APC: variants seen among roughly 807,000 people sequenced by gnomAD.
The protein encoded by APC is APC regulator of Wnt signaling pathway, also known as adenomatous polyposis coli protein.
In APC, 72 loss-of-function variants were observed where a neutral mutation model predicts 247.0. The observed-to-expected ratio is 0.29, with a 90% CI of 0.24 to 0.35. The LOEUF is 0.35. Ranked by LOEUF, APC falls within the 10% of genes least tolerant of loss-of-function variation. The probability of loss-of-function intolerance (pLI) is 1.00; values close to 1 mark genes in which losing one functional copy is unlikely to be tolerated. For synonymous variants in APC, 1,254 were observed against 1,162.5 expected, an observed-to-expected ratio of 1.08 and a Z score of -1.60; for missense variants, 3,400 against 3,360.7, an observed-to-expected ratio of 1.01 and a Z score of -0.29.
chr5:112,820,877 A>G (rs979525445), intron 10 of APC, among the ~76,000 whole-genome samples: 3 of 151,962 alleles, frequency 2.0e-5, no homozygotes, highest in Non-Finnish European at 4.4e-5. Flanking sequence ...CTCTGTTTGT[A>G]TTGAGACAGG....
chr5:112,727,630 C>T (rs575486308), intron 1 of APC, among the ~76,000 whole-genome samples: 14 of 152,182 alleles, frequency 9.2e-5, no homozygotes, highest in Admixed American at 3.3e-4. Flanking sequence ...CATTTTAGGA[C>T]ATCTTAAATA....
In APC at chr5:112,712,583, C is replaced by T. The variant is rs577796022; in HGVS notation, c.165+4701C>T. Among the ~76,000 whole-genome samples the T allele has an allele frequency of 2.0e-5, 3 of 150,158 alleles. No homozygotes were observed. In the South Asian group the frequency reaches 6.3e-4, roughly 32 times the overall value. ...CCTTTTTTTTTTTTTTTTAAGCGACCGGGGCTTGCTGTATTCCCCAGGCTG... is the reference window on the plus strand; with the variant it reads ...CCTTTTTTTTTTTTTTTTAAGCGACTGGGGCTTGCTGTATTCCCCAGGCTG... On this transcript the variant is annotated intron_variant, in intron 1 of 13. Coordinates refer to the APC transcript ENST00000507379.
intron 6 of APC, among the ~76,000 whole-genome samples, chr5:112,788,068 C>T (rs1580407429): frequency 6.6e-6 from 1 of 152,244 alleles, no homozygotes; most frequent in East Asian, 1.9e-4. Context: ...AGTTCCTCAT[C>T]GATGAGTAAT....
rs186777258 is a variant in APC at position 112,844,374 on chromosome 5, A to G, written c.*248A>G. 2,389 of 467,238 alleles carry G rather than the reference A, an allele frequency of 5.1e-3. 26 individuals carry two copies. Among genetic ancestry groups the G allele is most frequent in the Non-Finnish European group, 4.5e-3 (1,193 of 264,994 alleles). 28.9% of individuals were successfully genotyped at this position (467,238 alleles called of 1,614,324 possible). On this transcript the variant is annotated 3_prime_UTR_variant, in exon 16 of 16. Transcript: ENST00000257430. ...AGTATGTTTGTACAGTATGTTTTAC[A>G]TGTATTTAAAGTAGCATCCCATCCC...
chr5:112,708,188 C>T (rs1432480723), intron 1 of APC, among the ~76,000 whole-genome samples: 1 of 152,202 alleles, frequency 6.6e-6, no homozygotes, highest in East Asian at 1.9e-4. Flanking sequence ...GTCGTCCGCC[C>T]TTCCCATTTT....
intron 2 of APC, among the ~76,000 whole-genome samples, chr5:112,755,582 A>G (rs1754881459): frequency 6.6e-6 from 1 of 152,220 alleles, no homozygotes; most frequent in South Asian, 2.1e-4. Flanking sequence ...AAGTACAGGC[A>G]TCACACTAGT....
At chr5:112,727,982 G>A (rs1393275855) in intron 1 of APC, among the ~76,000 whole-genome samples, 1 of 151,332 alleles carries the variant, frequency 6.6e-6, no homozygotes, top group African/African-American at 2.4e-5. Context: ...TCCCTCCATA[G>A]GAAAGGATAG....
rs1179795666 is a variant in APC, at chr5:112,844,997, ATTTG to A, written c.*876_*879del. On this transcript the variant is annotated 3_prime_UTR_variant, in exon 16 of 16. Coordinates refer to ENST00000257430, the MANE Select transcript of APC (RefSeq NM_000038.6). ...TATGTAAACTGTTACTGAAATTGGT[ATTTG>A]TTTGAAGGGTCTTGTTTCACATTTG... 16 of 232,298 alleles carry A rather than the reference ATTTG, an allele frequency of 6.9e-5. No homozygotes were observed. The highest frequency in any genetic ancestry group is 5.4e-4 in the South Asian group (3 of 5,522). The allele number at this position is 232,298 out of a possible 1,614,324, so 14.4% of individuals were successfully genotyped here.
Position 112,843,722 on chromosome 5 carries a change from A to G in APC, c.8128A>G (p.Ser2710Gly), listed in dbSNP as rs760472102. Reference protein sequence around the residue: ...NQAKQNVGNGSVPMRTVGLEN... With the variant: ...NQAKQNVGNGGVPMRTVGLEN... Reference sequence around the variant, plus strand: ...GGCAAAACAAAATGTGGGTAATGGCAGTGTTCCCATGCGTACCGTGGGTTT... The same window carrying G: ...GGCAAAACAAAATGTGGGTAATGGCGGTGTTCCCATGCGTACCGTGGGTTT... Residue 2710 changes from serine (S) to glycine (G), a missense_variant, in exon 16 of 16, where the codon AGT becomes GGT. By Grantham distance (56) the Ser-to-Gly change is moderately conservative. Coordinates refer to ENST00000257430, the MANE Select transcript of APC (RefSeq NM_000038.6). The surrounding 1 kb of genome is among the most constrained non-coding windows in gnomAD (Gnocchi z 4.8). 1 of 1,614,126 alleles carries G rather than the reference A, an allele frequency of 6.2e-7. No homozygotes were observed.
chr5:112,761,420 A>G (rs1296704811), intron 2 of APC, among the ~76,000 whole-genome samples: 1 of 152,196 alleles, frequency 6.6e-6, no homozygotes, highest in Admixed American at 6.5e-5. Flanking sequence ...AAATTTTGAC[A>G]GAGAATTGGA....
In APC at chr5:112,844,074, G is replaced by A. The variant is rs571511652; in HGVS notation, c.8480G>A (p.Gly2827Glu). The A allele has an allele frequency of 5.0e-6, 8 of 1,608,674 alleles. No homozygotes were observed. The South Asian group carries it at 6.7e-5, about 13-fold the overall frequency. ...AAAACTGACAGCACAGAATCCAGTG[G>A]AACCCAAAGTCCTAAGCGCCATTCT... ...DSKTDSTESS[G>E]TQSPKRHSGS... Residue 2827 changes from glycine (G) to glutamate (E), a missense_variant, in exon 16 of 16, where the codon GGA (glycine) becomes GAA (glutamate). By Grantham distance (98) the Gly-to-Glu change is moderately conservative (BLOSUM62 -2). This residue lies in a region of APC where 1,788 missense variants were observed against 1,649.5 expected (regional missense o/e 1.08). Transcript: ENST00000257430.
chr5:112,780,314 A>G (rs187611436), intron 5 of APC, among the ~76,000 whole-genome samples: 34 of 152,276 alleles, frequency 2.2e-4, no homozygotes, highest in African/African-American at 7.9e-4. Flanking sequence ...GATTAATGAA[A>G]AAGTTCTCTC....
intron 2 of APC, among the ~76,000 whole-genome samples, chr5:112,764,313 G>GC (rs1756025654): frequency 1.3e-5 from 2 of 151,762 alleles, no homozygotes; most frequent in African/African-American, 4.8e-5. Flanking sequence ...ACAGCTCTGT[G>GC]CAAGGTTGAG....
intron 8 of APC, among the ~76,000 whole-genome samples, chr5:112,812,285 G>A (rs1294051047): frequency 6.6e-6 from 1 of 152,172 alleles, no homozygotes; most frequent in Non-Finnish European, 1.5e-5. Context: ...CATCTTCCAA[G>A]ATTGTGTGTT....
intron 12 of APC, 128 bp from the exon 13 acceptor site, chr5:112,827,801 T>G: frequency 1.4e-6 from 1 of 728,292 alleles, no homozygotes; most frequent in South Asian, 1.6e-5. Flanking sequence ...CTAGATTTTT[T>G]ATGAGTGAAG....
At chr5:112,709,218 T>A (rs1192830415) in intron 1 of APC, among the ~76,000 whole-genome samples, 1 of 152,234 alleles carries the variant, frequency 6.6e-6, no homozygotes, top group African/African-American at 2.4e-5. Context: ...ATGTTAAAAA[T>A]TTTTAACGTG....
At chr5:112,797,121 ACTGT>A (rs1377249281) in intron 7 of APC, among the ~76,000 whole-genome samples, 2 of 152,144 alleles carry the variant, frequency 1.3e-5, no homozygotes, top group Non-Finnish European at 2.9e-5. Context: ...TTTAGGGCAG[ACTGT>A]CTGCTACTAT....
intron 6 of APC, among the ~76,000 whole-genome samples, chr5:112,788,687 A>G (rs952085305): frequency 5.3e-5 from 8 of 152,202 alleles, no homozygotes; most frequent in African/African-American, 1.9e-4. Context: ...GGGGTCTTAC[A>G]TATCATTTAA....
chr5:112,766,077 A>G (rs1756270403), intron 2 of APC, among the ~76,000 whole-genome samples: 1 of 152,148 alleles, frequency 6.6e-6, no homozygotes, highest in Non-Finnish European at 1.5e-5. Context: ...GAAATAATGA[A>G]TGTATCTTAA....
Sources: allele counts gnomAD v4.1 joint callset (sites outside exome capture counted in the v4.1 genomes callset), GRCh38; gene constraint gnomAD v4.1.1; regional missense constraint gnomAD v4.1.1; non-coding constraint Gnocchi (gnomAD v3.1); transcripts MANE v1.5; gene names NCBI Gene and HGNC (gene_info 2026-07-23, HGNC 2026-07-21).